The following ANO2 variants were observed in gnomAD, a reference collection of about 807,000 sequenced individuals.
ANO2 encodes the protein anoctamin-2.
In ANO2, 101 loss-of-function variants were observed where a neutral mutation model predicts 124.2. That is an observed-to-expected ratio of 0.81 (90% confidence interval 0.69 to 0.96). The LOEUF is 0.96. ANO2 is among the 40% of genes least tolerant of loss of function. The pLI is 0.00. For synonymous variants in ANO2, 486 were observed against 482.5 expected (o/e 1.01, Z -0.09); for missense variants, 1,293 against 1,274.5 (o/e 1.01, Z -0.22).
chr12:5,892,165 A>T (rs1227632933), intron 3 of ANO2, among the ~76,000 whole-genome samples: 1 of 152,204 alleles, frequency 6.6e-6, no homozygotes, highest in Non-Finnish European at 1.5e-5. Context: ...GAACTCAATA[A>T]CAGAATTGAA....
intron 11 of ANO2, among the ~76,000 whole-genome samples, chr12:5,747,124 TAGA>T (rs1951288794): frequency 6.6e-6 from 1 of 152,336 alleles, no homozygotes; most frequent in Non-Finnish European, 1.5e-5. Flanking sequence ...GGGAGGAAGC[TAGA>T]AGAAGTGCAC....
chr12:5,580,279 T>C (rs771978972), intron 20 of ANO2, among the ~76,000 whole-genome samples: 6 of 152,248 alleles, frequency 3.9e-5, no homozygotes, highest in Non-Finnish European at 5.9e-5. Context: ...ATATGTACAA[T>C]GTTGGATACA....
intron 20 of ANO2, among the ~76,000 whole-genome samples, chr12:5,588,906 G>A (rs185419673): frequency 6.6e-6 from 1 of 152,224 alleles, no homozygotes; most frequent in Non-Finnish European, 1.5e-5. Context: ...CATGCCCTAG[G>A]CCACACTGCT....
intron 10 of ANO2, among the ~76,000 whole-genome samples, chr12:5,762,169 A>G (rs1350458622): frequency 1.3e-5 from 2 of 152,056 alleles, no homozygotes; most frequent in African/African-American, 4.8e-5. Context: ...AAATTAAATG[A>G]TGGGTATTCG....
chr12:5,585,866 T>A (rs1943086412), intron 20 of ANO2, among the ~76,000 whole-genome samples: 1 of 152,166 alleles, frequency 6.6e-6, no homozygotes, highest in South Asian at 2.1e-4. Context: ...AAAAGGTTTG[T>A]GCAAAAGTGA....
intron 16 of ANO2, among the ~76,000 whole-genome samples, chr12:5,620,836 A>G (rs902344134): frequency 2.0e-5 from 3 of 151,756 alleles, no homozygotes; most frequent in Admixed American, 2.0e-4. Context: ...CACCATTTAC[A>G]GCTAGCGCTG....
chr12:5,923,785 G>A (rs1417189091), intron 1 of ANO2, among the ~76,000 whole-genome samples: 1 of 152,208 alleles, frequency 6.6e-6, no homozygotes, highest in Non-Finnish European at 1.5e-5. Flanking sequence ...CTGGAACCGC[G>A]AGTTGCCAAG....
At chr12:5,822,134 G>A (rs1451902210) in intron 7 of ANO2, among the ~76,000 whole-genome samples, 1 of 152,198 alleles carries the variant, frequency 6.6e-6, no homozygotes, top group Non-Finnish European at 1.5e-5. Flanking sequence ...TGGGCACTTC[G>A]AGTAGTGCAC....
intron 7 of ANO2, among the ~76,000 whole-genome samples, chr12:5,825,871 C>T (rs1953940235): frequency 6.6e-6 from 1 of 152,154 alleles, no homozygotes; most frequent in African/African-American, 2.4e-5. Context: ...GGTCACTCCA[C>T]CAGGAAGAAA....
At chr12:5,653,939 T>C (rs1947041490) in intron 14 of ANO2, among the ~76,000 whole-genome samples, 1 of 152,206 alleles carries the variant, frequency 6.6e-6, no homozygotes. Context: ...GGAGATACCA[T>C]AACACAGAGT....
At chr12:5,766,683 T>C (rs977610773) in intron 10 of ANO2, among the ~76,000 whole-genome samples, 3 of 152,182 alleles carry the variant, frequency 2.0e-5, no homozygotes, top group Non-Finnish European at 4.4e-5. Flanking sequence ...ATATTATACT[T>C]TGGTTTTAAA....
At chr12:5,707,799 A>G (rs1469119365) in intron 14 of ANO2, among the ~76,000 whole-genome samples, 1 of 152,222 alleles carries the variant, frequency 6.6e-6, no homozygotes, top group Non-Finnish European at 1.5e-5. Context: ...GCACCAGTCT[A>G]TCTGACGTTG....
chr12:5,748,885 A>C (rs910718576), intron 11 of ANO2, among the ~76,000 whole-genome samples: 2 of 150,272 alleles, frequency 1.3e-5, no homozygotes, highest in African/African-American at 5.0e-5. Context: ...AAAAAAAAAA[A>C]AAACAAAACA....
chr12:5,757,512 G>T (rs1402883257), intron 10 of ANO2, among the ~76,000 whole-genome samples: 3 of 152,148 alleles, frequency 2.0e-5, no homozygotes, highest in Admixed American at 2.0e-4. Flanking sequence ...AACACAAGAG[G>T]GAAATGAGAG....
chr12:5,715,649 C>T (rs1267910073), intron 14 of ANO2, among the ~76,000 whole-genome samples: 1 of 152,218 alleles, frequency 6.6e-6, no homozygotes, highest in Admixed American at 6.5e-5. Flanking sequence ...GATTAAGTGA[C>T]CTGACTTCAC....
chr12:5,935,654 T>A (rs1942614723), intron 1 of ANO2, among the ~76,000 whole-genome samples: 2 of 152,136 alleles, frequency 1.3e-5, no homozygotes, highest in Non-Finnish European at 2.9e-5. Context: ...CAAGACCTAT[T>A]CTGTGTGGAG....
chr12:5,885,044 T>C (rs1938786475), intron 3 of ANO2, among the ~76,000 whole-genome samples: 2 of 152,220 alleles, frequency 1.3e-5, no homozygotes, highest in African/African-American at 4.8e-5. Flanking sequence ...TTCCCTGGCC[T>C]CATGTCAGAT....
intron 11 of ANO2, among the ~76,000 whole-genome samples, chr12:5,749,978 G>A (rs1254456843): frequency 6.6e-6 from 1 of 151,234 alleles, no homozygotes; most frequent in Non-Finnish European, 1.5e-5. Context: ...CCAGGCTAGA[G>A]TGCAGTGGCA....
intron 16 of ANO2, among the ~76,000 whole-genome samples, chr12:5,628,447 G>A (rs1591770817): frequency 6.6e-6 from 1 of 152,206 alleles, no homozygotes; most frequent in East Asian, 1.9e-4. Context: ...CATATTAAAA[G>A]GCACTAGAGT....
Sources: allele counts gnomAD v4.1 joint callset (sites outside exome capture counted in the v4.1 genomes callset), GRCh38; gene constraint gnomAD v4.1.1; transcripts MANE v1.5; gene names NCBI Gene and HGNC (gene_info 2026-07-23, HGNC 2026-07-21).